Variants in CTNNA3 observed in about 807,000 individuals in gnomAD.
CTNNA3 encodes the protein catenin alpha 3.
Under a neutral mutation model 95.7 loss-of-function variants are expected in CTNNA3, and 76 were observed. That is an observed-to-expected ratio of 0.79 (90% CI 0.66 to 0.96). The LOEUF (loss-of-function observed/expected upper bound fraction) is 0.96, where lower values mean the gene tolerates loss of function less well. CTNNA3 is among the 40% of genes least tolerant of loss of function. CTNNA3 has a pLI of 0.00. For synonymous variants in CTNNA3, 431 were observed against 374.4 expected (o/e 1.15, Z -1.74); for missense variants, 1,191 against 1,089.8 (o/e 1.09, Z -1.31).
At chr10:66,391,701 T>G (rs2092934901) in intron 11 of CTNNA3, among the ~76,000 whole-genome samples, 1 of 152,150 alleles carries the variant, frequency 6.6e-6, no homozygotes, top group African/African-American at 2.4e-5. Context: ...TAACCAGTTT[T>G]GTTTCTAAAT....
intron 13 of CTNNA3, among the ~76,000 whole-genome samples, chr10:66,166,093 A>C (rs890550802): frequency 1.3e-5 from 2 of 152,092 alleles, no homozygotes; most frequent in African/African-American, 4.8e-5. Flanking sequence ...AAATGCTTTC[A>C]CAGAAATTAT....
At chr10:66,331,349 T>TGC (rs1564873380) in intron 12 of CTNNA3, among the ~76,000 whole-genome samples, 1 of 86,170 alleles carries the variant, frequency 1.2e-5, no homozygotes, top group African/African-American at 4.5e-5. Context: ...TTTGTTTTTT[T>TGC]TTTTTTTTTT....
chr10:66,922,953 A>C (rs1032873070), intron 7 of CTNNA3, among the ~76,000 whole-genome samples: 1 of 152,164 alleles, frequency 6.6e-6, no homozygotes, highest in Non-Finnish European at 1.5e-5. Flanking sequence ...GCTTTGTATA[A>C]AAAACAATCC....
At position 67,201,463 on chromosome 10, in the gene CTNNA3, A is replaced by T. The variant is rs865977708; in HGVS notation, c.843+18144T>A. Reference sequence around the variant, plus strand: ...ACCTTATGTCTATTCTTTTTTTTTTATTATTTTTTTATTATTATACTTTAA... The same window carrying T: ...ACCTTATGTCTATTCTTTTTTTTTTTTTATTTTTTTATTATTATACTTTAA... On this transcript the variant is annotated intron_variant, in intron 6 of 17. Transcript: ENST00000433211. Among the ~76,000 whole-genome samples the T allele has an allele frequency of 1.6e-3, 241 of 150,794 alleles. 3 individuals are homozygous for T. Among genetic ancestry groups the T allele is most frequent in the African/African-American group, 5.6e-3 (232 of 41,122 alleles).
intron 3 of CTNNA3, among the ~76,000 whole-genome samples, chr10:67,581,947 C>G (rs1435407523): frequency 6.6e-6 from 1 of 152,064 alleles, no homozygotes; most frequent in Non-Finnish European, 1.5e-5. Context: ...ATTCTTCTCT[C>G]TTTTCTTCTT....
At chr10:67,001,470 G>A (rs1431464388) in intron 7 of CTNNA3, among the ~76,000 whole-genome samples, 2 of 151,614 alleles carry the variant, frequency 1.3e-5, no homozygotes, top group African/African-American at 2.4e-5. Context: ...GAAGGATGGG[G>A]AAATGGGAAT....
intron 7 of CTNNA3, among the ~76,000 whole-genome samples, chr10:67,141,103 G>A (rs1032894291): frequency 9.9e-5 from 15 of 152,130 alleles, no homozygotes; most frequent in African/African-American, 2.4e-4. Context: ...CTCCCTTGCC[G>A]TCTCAAAGAT....
intron 12 of CTNNA3, among the ~76,000 whole-genome samples, chr10:66,374,016 G>T (rs1435343010): frequency 6.6e-6 from 1 of 152,152 alleles, no homozygotes; most frequent in Non-Finnish European, 1.5e-5. Flanking sequence ...CCTGAATTGG[G>T]ATGACAACCT....
At position 66,716,295 on chromosome 10, in the gene CTNNA3, T is replaced by C. The variant is rs532037281; in HGVS notation, c.1281+49969A>G. On this transcript the variant is annotated intron_variant, in intron 9 of 17. Transcript: ENST00000433211. ...TCAGCTCTACCCAGGAAAACAATCC[T>C]CGATTCTGCAATGATTTGGTGCGTT... is the stretch of plus-strand genomic sequence containing the variant. Among the ~76,000 whole-genome samples the C allele has an allele frequency of 6.4e-4, 98 of 152,240 alleles. 1 individual carries two copies. Among genetic ancestry groups the C allele is most frequent in the African/African-American group, 2.3e-3 (96 of 41,540 alleles).
At chr10:66,850,847 C>T (rs968129517) in intron 7 of CTNNA3, among the ~76,000 whole-genome samples, 1 of 152,170 alleles carries the variant, frequency 6.6e-6, no homozygotes, top group African/African-American at 2.4e-5. Context: ...GTTCTATCTT[C>T]TGCCTCCAAA....
chr10:66,462,069 C>G (rs972326408), intron 11 of CTNNA3, among the ~76,000 whole-genome samples: 1 of 152,048 alleles, frequency 6.6e-6, no homozygotes, highest in Non-Finnish European at 1.5e-5. Context: ...CTCGTCCCCC[C>G]AAAGTGCCAG....
At chr10:66,359,134 A>G (rs181020246) in intron 12 of CTNNA3, among the ~76,000 whole-genome samples, 18 of 152,316 alleles carry the variant, frequency 1.2e-4, no homozygotes, top group African/African-American at 4.3e-4. Context: ...ATCCTTCATT[A>G]TATTCTCACC....
At chr10:66,147,292 T>A (rs960196507) in intron 13 of CTNNA3, among the ~76,000 whole-genome samples, 4 of 152,092 alleles carry the variant, frequency 2.6e-5, no homozygotes, top group African/African-American at 7.2e-5. Flanking sequence ...TCTTCTTTTT[T>A]AAAAAAAGTT....
At chr10:66,268,687 T>G (rs1207652125) in intron 13 of CTNNA3, among the ~76,000 whole-genome samples, 1 of 152,144 alleles carries the variant, frequency 6.6e-6, no homozygotes, top group Non-Finnish European at 1.5e-5. Context: ...TCCTATTTCT[T>G]CTTAGGCACA....
At chr10:66,868,042 T>C (rs192823540) in intron 7 of CTNNA3, among the ~76,000 whole-genome samples, 1 of 148,298 alleles carries the variant, frequency 6.7e-6, no homozygotes, top group East Asian at 2.0e-4. Flanking sequence ...GTATTTATGA[T>C]AATAATAATG....
At chr10:66,246,349 A>G (rs2090326230) in intron 13 of CTNNA3, among the ~76,000 whole-genome samples, 3 of 152,046 alleles carry the variant, frequency 2.0e-5, no homozygotes. Context: ...TGCTGGCTCC[A>G]TGGAGCTGGA....
At chr10:66,221,087 T>G (rs969400121) in intron 13 of CTNNA3, among the ~76,000 whole-genome samples, 1 of 152,192 alleles carries the variant, frequency 6.6e-6, no homozygotes, top group Non-Finnish European at 1.5e-5. Context: ...GCTGTAAGTG[T>G]GTCTCCTATA....
intron 3 of CTNNA3, among the ~76,000 whole-genome samples, chr10:67,574,012 A>C (rs563450950): frequency 1.3e-5 from 2 of 152,204 alleles, no homozygotes; most frequent in Non-Finnish European, 2.9e-5. Flanking sequence ...GCTAATTGAT[A>C]ATTTTCCAGG....
At chr10:66,478,352 T>C (rs1336663259) in intron 11 of CTNNA3, among the ~76,000 whole-genome samples, 1 of 152,042 alleles carries the variant, frequency 6.6e-6, no homozygotes, top group Non-Finnish European at 1.5e-5. Flanking sequence ...ATTTTACACT[T>C]GAAAATATTT....
Sources: allele counts gnomAD v4.1 joint callset (sites outside exome capture counted in the v4.1 genomes callset), GRCh38; gene constraint gnomAD v4.1.1; transcripts MANE v1.5; gene names NCBI Gene and HGNC (gene_info 2026-07-23, HGNC 2026-07-21).